Variants in SLC25A4 observed in about 807,000 individuals in gnomAD.
SLC25A4 encodes solute carrier family 25 member 4.
SLC25A4 carries 10 observed loss-of-function variants against 24.7 expected under a neutral mutation model. The ratio of observed to expected loss-of-function variants is 0.41; its 90% confidence interval spans 0.25 to 0.69. The LOEUF (loss-of-function observed/expected upper bound fraction) is 0.69, where lower values mean the gene tolerates loss of function less well. Ranked by LOEUF, SLC25A4 falls within the 30% of genes least tolerant of loss-of-function variation. The pLI is 0.35. For synonymous variants in SLC25A4, 125 were observed against 153.3 expected (o/e 0.82, Z 1.36); for missense variants, 273 against 387.6 (o/e 0.70, Z 2.48).
At chr4:185,144,653 T>C in intron 1 of SLC25A4, 111 bp from the exon 2 acceptor site, 1 of 1,017,328 alleles carries the variant, frequency 9.8e-7, no homozygotes, top group Non-Finnish European at 1.5e-6. Context: ...TTCCTCATCC[T>C]TTTTTTCTTC....
Position 185,145,107 on chromosome 4 carries a change from G to A in SLC25A4, c.455G>A (p.Arg152His). The A allele has an allele frequency of 6.2e-7, 1 of 1,612,884 alleles. No individual in the cohort carries two copies. ...GATGTGGGCAAGGGCGCCGCCCAGC[G>A]TGAGTTCCATGGTCTGGGCGACTGT... ...AADVGKGAAQ[R>H]EFHGLGDCII... The change falls in exon 2 of 4, where the codon CGT becomes CAT. Residue 152 changes from arginine to histidine, a missense_variant. Physicochemically the swap from Arg to His is conservative, Grantham distance 29 (BLOSUM62 0). Coordinates refer to ENST00000281456, the MANE Select transcript of SLC25A4 (RefSeq NM_001151.4). This position sits in a 1 kb window ranked among gnomAD's most constrained non-coding sequence, Gnocchi z 5.5.
rs1424539033 is a variant in SLC25A4 at position 185,145,423 on chromosome 4, G to T, written c.598+173G>T. 2 of 973,610 alleles carry T rather than the reference G, an allele frequency of 2.1e-6. No homozygotes were observed. The highest frequency in any genetic ancestry group is 2.6e-5 in the East Asian group (1 of 38,840). 60.3% of individuals were successfully genotyped at this position (973,610 alleles called of 1,614,324 possible). A position where few individuals can be genotyped will look rare whatever the true frequency, so the allele number is the denominator to read the frequency against. On this transcript the variant is annotated intron_variant, in intron 2 of 3. Coordinates refer to ENST00000281456, the MANE Select transcript of SLC25A4 (RefSeq NM_001151.4). This position sits in a 1 kb window ranked among gnomAD's most constrained non-coding sequence, Gnocchi z 5.5. ...TAAGTTAATAGCTGAAGCGTTCCTT[G>T]TGTCCTCTACTGAAATAAACTCTGG... is the stretch of plus-strand genomic sequence containing the variant.
In SLC25A4 at chr4:185,143,300, C is replaced by A; in HGVS notation, c.-73C>A. On this transcript the variant is annotated 5_prime_UTR_variant, in exon 1 of 4. Transcript: ENST00000281456. ...GCGTCGCGCAGGGTCGGGGACTGCG[C>A]GGCGGTGCCAGGCCGGGCGTGGGCG... 1 of 871,178 alleles carries A rather than the reference C, an allele frequency of 1.1e-6. No homozygotes were observed. Among genetic ancestry groups the A allele is most frequent in the South Asian group, 1.5e-5 (1 of 67,406 alleles). The allele number at this position is 871,178 out of a possible 1,614,324, so 54.0% of individuals were successfully genotyped here. A position where few individuals can be genotyped will look rare whatever the true frequency, so the allele number is the denominator to read the frequency against.
Position 185,148,357 on chromosome 4 carries a change from C to T in SLC25A4, c.*1386C>T, listed in dbSNP as rs113504038. On this transcript the variant is annotated 3_prime_UTR_variant, in exon 4 of 4. Coordinates refer to ENST00000281456, the MANE Select transcript of SLC25A4 (RefSeq NM_001151.4). ...TTTGAAGGGACACAAACATTCAGTC[C>T]ATAGCATCACTTATCAAGCTAGTAT... is the stretch of plus-strand genomic sequence containing the variant. The T allele has an allele frequency of 2.6e-5, 4 of 152,246 alleles. No individual in the cohort carries two copies. Among genetic ancestry groups the T allele is most frequent in the African/African-American group, 9.6e-5 (4 of 41,534 alleles). The allele number at this position is 152,246 out of a possible 1,614,324, so 9.4% of individuals were successfully genotyped here. A position where few individuals can be genotyped will look rare whatever the true frequency, so the allele number is the denominator to read the frequency against.
intron 1 of SLC25A4, among the ~76,000 whole-genome samples, chr4:185,144,464 T>A (rs563128697): frequency 6.6e-6 from 1 of 152,250 alleles, no homozygotes; most frequent in African/African-American, 2.4e-5. Flanking sequence ...CTAGGGAAAG[T>A]GAAATAAATA....
intron 1 of SLC25A4, 115 bp from the exon 2 acceptor site, chr4:185,144,649 A>T: frequency 1.1e-6 from 1 of 951,958 alleles, no homozygotes; most frequent in South Asian, 1.4e-5. Flanking sequence ...TGATTTCCTC[A>T]TCCTTTTTTT....
At chr4:185,144,422 C>T (rs1220150968) in intron 1 of SLC25A4, among the ~76,000 whole-genome samples, 2 of 152,048 alleles carry the variant, frequency 1.3e-5, no homozygotes, top group Admixed American at 6.5e-5. Context: ...TCATTTCTGT[C>T]CCCCAGTAAG....
intron 1 of SLC25A4, 112 bp from the exon 2 acceptor site, chr4:185,144,652 C>CT: frequency 1.0e-6 from 1 of 1,002,236 alleles, no homozygotes; most frequent in Non-Finnish European, 1.5e-6. Context: ...TTTCCTCATC[C>CT]TTTTTTTCTT....
chr4:185,144,240 T>G (rs1734397007), intron 1 of SLC25A4, among the ~76,000 whole-genome samples: 2 of 152,206 alleles, frequency 1.3e-5, no homozygotes, highest in Non-Finnish European at 1.5e-5. Flanking sequence ...ACTTGGATTA[T>G]CTGCTTGAAA....
intron 3 of SLC25A4, among the ~76,000 whole-genome samples, chr4:185,146,130 T>C (rs1348851951): frequency 6.6e-6 from 1 of 152,208 alleles, no homozygotes; most frequent in African/African-American, 2.4e-5. Flanking sequence ...GACATTTAGA[T>C]GTGAATTTAA....
chr4:185,145,997 CA>C lies in SLC25A4; in HGVS notation c.739+102del, dbSNP rs1734435912. 1 of 1,423,772 alleles carries C rather than the reference CA, an allele frequency of 7.0e-7. No homozygotes were observed. The highest frequency in any genetic ancestry group is 9.7e-7 in the Non-Finnish European group (1 of 1,029,930). The allele number at this position is 1,423,772 out of a possible 1,614,324, so 88.2% of individuals were successfully genotyped here. A position where few individuals can be genotyped will look rare whatever the true frequency, so the allele number is the denominator to read the frequency against. ...GTCTTCCTTACTGGAAATTAATTTT[CA>C]AAATTATTTGATAAGGACTTAGGGA... On this transcript the variant is annotated intron_variant, in intron 3 of 3. Coordinates refer to ENST00000281456, the MANE Select transcript of SLC25A4 (RefSeq NM_001151.4). This position sits in a 1 kb window ranked among gnomAD's most constrained non-coding sequence, Gnocchi z 5.5.
Position 185,147,258 on chromosome 4 carries a change from G to T in SLC25A4, c.*287G>T, listed in dbSNP as rs1286593633. The T allele has an allele frequency of 1.2e-5, 4 of 343,724 alleles. No homozygotes were observed. Among genetic ancestry groups the T allele is most frequent in the Non-Finnish European group, 2.1e-5 (4 of 186,636 alleles). 21.3% of individuals were successfully genotyped at this position (343,724 alleles called of 1,614,324 possible). A position where few individuals can be genotyped will look rare whatever the true frequency, so the allele number is the denominator to read the frequency against. On this transcript the variant is annotated 3_prime_UTR_variant, in exon 4 of 4. Coordinates refer to ENST00000281456, the MANE Select transcript of SLC25A4 (RefSeq NM_001151.4). The stretch of plus-strand genomic sequence containing the variant: ...TAACTGAATGTGAAACATCAATAAA[G>T]ACCACTTAATGCACGCTTTCTATTT...
At position 185,145,749 on chromosome 4, in the gene SLC25A4, C is replaced by T; in HGVS notation, c.599-10C>T. The stretch of plus-strand genomic sequence containing the variant: ...TTCATAGCCGTTCGGCTTCTGGGCT[C>T]TGTCCACAGGGATGCTGCCTGACCC... On this transcript the variant is annotated splice_polypyrimidine_tract_variant and intron_variant, in intron 2 of 3. Coordinates refer to ENST00000281456, the MANE Select transcript of SLC25A4 (RefSeq NM_001151.4). This position sits in a 1 kb window ranked among gnomAD's most constrained non-coding sequence, Gnocchi z 5.5. 6.2e-7 allele frequency: 1 copy of T among 1,614,228 alleles called. No individual in the cohort carries two copies.
intron 1 of SLC25A4, 99 bp from the exon 2 acceptor site, chr4:185,144,665 A>C: frequency 5.9e-6 from 7 of 1,188,064 alleles, no homozygotes; most frequent in Non-Finnish European, 8.5e-6. Context: ...TTTTTCTTCA[A>C]AAAAAAAATC....
Position 185,145,660 on chromosome 4 carries a change from G to A in SLC25A4, c.599-99G>A, listed in dbSNP as rs1734429021. ...CAGGGGCAGGTTCCCCGCAAGGTCA[G>A]AGCATGGAGCTGGAGGTGCAGTGGC... On this transcript the variant is annotated intron_variant, in intron 2 of 3. Transcript: ENST00000281456. The surrounding 1 kb of genome is among the most constrained non-coding windows in gnomAD (Gnocchi z 5.5). 2.6e-5 allele frequency: 38 copies of A among 1,475,538 alleles called. No individual in the cohort carries two copies. Among genetic ancestry groups the A allele is most frequent in the Non-Finnish European group, 3.6e-5 (38 of 1,067,576 alleles). The allele number at this position is 1,475,538 out of a possible 1,614,324, so 91.4% of individuals were successfully genotyped here.
rs1262362353 is a variant in SLC25A4, at chr4:185,148,207, T to C, written c.*1236T>C. ...TGGCAGAAAGAGCGACAGAGCTCTCTGTAGTCCCTTTTATAAGCTCACTAA... is the reference window on the plus strand; with the variant it reads ...TGGCAGAAAGAGCGACAGAGCTCTCCGTAGTCCCTTTTATAAGCTCACTAA... On this transcript the variant is annotated 3_prime_UTR_variant, in exon 4 of 4. Coordinates refer to ENST00000281456, the MANE Select transcript of SLC25A4 (RefSeq NM_001151.4). 2 of 152,108 alleles carry C rather than the reference T, an allele frequency of 1.3e-5. No homozygotes were observed. Among genetic ancestry groups the C allele is most frequent in the African/African-American group, 2.4e-5 (1 of 41,420 alleles). The allele number at this position is 152,108 out of a possible 1,614,324, so 9.4% of individuals were successfully genotyped here.
intron 3 of SLC25A4, among the ~76,000 whole-genome samples, chr4:185,146,105 G>T (rs1734438162): frequency 6.6e-6 from 1 of 152,162 alleles, no homozygotes; most frequent in African/African-American, 2.4e-5. Context: ...GAGATGATAA[G>T]AACATGAATA....
chr4:185,143,531 G>C (rs945307736), intron 1 of SLC25A4, 48 bp downstream of exon 1: 1 of 834,262 alleles, frequency 1.2e-6, no homozygotes, highest in African/African-American at 1.8e-5. Flanking sequence ...GGCGGGCCGG[G>C]CGGGGCGCGC....
intron 1 of SLC25A4, 128 bp downstream of exon 1, chr4:185,143,611 G>GCCCGCCCGCCCT (rs1734385720): frequency 2.3e-5 from 1 of 42,974 alleles, no homozygotes; most frequent in South Asian, 9.2e-4. Context: ...CCGGGCGCCC[G>GCCCGCCCGCCCT]CCCGCCCGCC....
Sources: allele counts gnomAD v4.1 joint callset (sites outside exome capture counted in the v4.1 genomes callset), GRCh38; gene constraint gnomAD v4.1.1; non-coding constraint Gnocchi (gnomAD v3.1); transcripts MANE v1.5; gene names NCBI Gene and HGNC (gene_info 2026-07-23, HGNC 2026-07-21).